CFAP95: variants seen among roughly 807,000 people sequenced by gnomAD.
CFAP95 encodes cilia- and flagella-associated protein 95.
chr9:69,861,065 A>G, the CFAP95 span, among the ~76,000 whole-genome samples: 1 of 152,222 alleles, frequency 6.6e-6, no homozygotes, highest in Non-Finnish European at 1.5e-5. Flanking sequence ...TATTGTTATC[A>G]AGTATCATTA....
At chr9:69,844,761 T>A in the CFAP95 span, 1 of 578,460 alleles carries the variant, frequency 1.7e-6, no homozygotes. Flanking sequence ...TTAGTCACTG[T>A]GTGCTGAAGC....
the CFAP95 span, among the ~76,000 whole-genome samples, chr9:69,880,850 T>C: frequency 6.6e-6 from 1 of 152,206 alleles, no homozygotes; most frequent in Non-Finnish European, 1.5e-5. Context: ...ATATAAGCCA[T>C]TTTAACCGGC....
chr9:69,898,855 CTCA>C, the CFAP95 span, among the ~76,000 whole-genome samples: 2 of 152,096 alleles, frequency 1.3e-5, no homozygotes, highest in African/African-American at 2.4e-5. Context: ...TAAAATGTGA[CTCA>C]TCATTTCCCC....
chr9:69,901,012 C>T, the CFAP95 span, among the ~76,000 whole-genome samples: 2,228 of 152,176 alleles, frequency 0.015, 57 homozygotes, highest in African/African-American at 0.05. Flanking sequence ...CTATCCCTCC[C>T]GCCTCCCTCC....
At chr9:69,863,787 T>G in the CFAP95 span, among the ~76,000 whole-genome samples, 1 of 152,178 alleles carries the variant, frequency 6.6e-6, no homozygotes, top group Non-Finnish European at 1.5e-5. Flanking sequence ...AATTTTATGT[T>G]AAGATCTTAT....
chr9:69,883,305 A>G, the CFAP95 span, among the ~76,000 whole-genome samples: 3 of 152,020 alleles, frequency 2.0e-5, no homozygotes, highest in Non-Finnish European at 4.4e-5. Flanking sequence ...ATAGGCTTGG[A>G]ATGTTTCTGT....
chr9:69,837,245 C>G, the CFAP95 span, among the ~76,000 whole-genome samples: 74 of 152,156 alleles, frequency 4.9e-4, no homozygotes, highest in Admixed American at 1.7e-3. Flanking sequence ...GGTATATACC[C>G]AGTAATGGGA....
At chr9:69,832,661 C>CT in the CFAP95 span, among the ~76,000 whole-genome samples, 20 of 22,478 alleles carry the variant, frequency 8.9e-4, no homozygotes, top group Non-Finnish European at 5.7e-4. Context: ...TTAACAGTAC[C>CT]TTTTTTTTTT....
chr9:69,865,921 A>G, the CFAP95 span, among the ~76,000 whole-genome samples: 1 of 152,162 alleles, frequency 6.6e-6, no homozygotes, highest in Admixed American at 6.5e-5. Context: ...AACTCTATGA[A>G]TTGGTTTCAT....
At chr9:69,900,953 T>C in the CFAP95 span, among the ~76,000 whole-genome samples, 1 of 152,120 alleles carries the variant, frequency 6.6e-6, no homozygotes, top group Non-Finnish European at 1.5e-5. Context: ...GCCATGTTGG[T>C]GTGCTGCACC....
the CFAP95 span, among the ~76,000 whole-genome samples, chr9:69,831,464 A>G: frequency 6.6e-6 from 1 of 151,994 alleles, no homozygotes; most frequent in Non-Finnish European, 1.5e-5. Flanking sequence ...TTAAAAGTGT[A>G]TTTATGAATC....
the CFAP95 span, among the ~76,000 whole-genome samples, chr9:69,879,480 G>A: frequency 0.041 from 6,223 of 151,078 alleles, 389 homozygotes; most frequent in African/African-American, 0.14. Flanking sequence ...CAGGAGGTTC[G>A]GGGGGAAAAG....
At chr9:69,880,362 A>G in the CFAP95 span, among the ~76,000 whole-genome samples, 492 of 152,118 alleles carry the variant, frequency 3.2e-3, 5 homozygotes, top group African/African-American at 0.011. Flanking sequence ...CCATGAGTTC[A>G]GTTGTTTTGG....
chr9:69,896,862 T>G, the CFAP95 span, among the ~76,000 whole-genome samples: 12 of 152,012 alleles, frequency 7.9e-5, no homozygotes, highest in Non-Finnish European at 1.8e-4. Flanking sequence ...GCACTCCAGG[T>G]TGGGTGACAC....
At chr9:69,861,681 A>C in the CFAP95 span, among the ~76,000 whole-genome samples, 1 of 149,826 alleles carries the variant, frequency 6.7e-6, no homozygotes, top group African/African-American at 2.5e-5. Flanking sequence ...TTCAGTTCCC[A>C]AAATTTGTTT....
At chr9:69,870,931 C>T in the CFAP95 span, among the ~76,000 whole-genome samples, 12 of 151,984 alleles carry the variant, frequency 7.9e-5, no homozygotes, top group African/African-American at 2.9e-4. Context: ...ACAAAAAAGG[C>T]AGGGAGGCTG....
chr9:69,857,974 A>G, the CFAP95 span: 2 of 1,613,582 alleles, frequency 1.2e-6, no homozygotes, highest in Admixed American at 1.7e-5. Flanking sequence ...GATTGGAGCA[A>G]AATGTTAGTA....
the CFAP95 span, among the ~76,000 whole-genome samples, chr9:69,864,180 T>C: frequency 4.9e-4 from 75 of 152,344 alleles, no homozygotes; most frequent in African/African-American, 1.7e-3. Context: ...GCGTGTATTG[T>C]TGAAATTTCA....
chr9:69,857,798 G>A, the CFAP95 span: 5 of 902,420 alleles, frequency 5.5e-6, no homozygotes, highest in African/African-American at 6.7e-5. Flanking sequence ...AAAGTTCTGG[G>A]ATTACAGGCG....
Sources: allele counts gnomAD v4.1 joint callset (sites outside exome capture counted in the v4.1 genomes callset), GRCh38; gene constraint gnomAD v4.1.1; transcripts MANE v1.5; gene names NCBI Gene and HGNC (gene_info 2026-07-23, HGNC 2026-07-21).